Variants in MPP3 observed in about 807,000 individuals in gnomAD.
MPP3 encodes MAGUK p55 scaffold protein 3.
Under a neutral mutation model 80.7 loss-of-function variants are expected in MPP3, and 48 were observed. That is an observed-to-expected ratio of 0.59 (90% CI 0.47 to 0.76). MPP3 has a LOEUF of 0.76. Among genes scored for constraint, MPP3 ranks in the 30% least tolerant of loss-of-function variants. The pLI is 0.00. For synonymous variants in MPP3, 311 were observed against 297.6 expected (o/e 1.04, Z -0.46); for missense variants, 620 against 763.0 (o/e 0.81, Z 2.21).
At chr17:43,820,639 C>CACACACACACACACACACACAT (rs796095687) in intron 11 of MPP3, among the ~76,000 whole-genome samples, 2,392 of 144,948 alleles carry the variant, frequency 0.017, 53 homozygotes, top group Non-Finnish European at 0.023. Context: ...CACACACACA[C>CACACACACACACACACACACAT]ATTAACTTAA....
intron 19 of MPP3, among the ~76,000 whole-genome samples, chr17:43,806,990 T>C (rs949148262): frequency 5.9e-5 from 9 of 151,766 alleles, no homozygotes; most frequent in Admixed American, 3.9e-4. Flanking sequence ...TTTTTTTTTT[T>C]AGATGGAGTC....
chr17:43,810,622 A>G (rs2044811708), intron 18 of MPP3, among the ~76,000 whole-genome samples, 185 bp downstream of exon 18: 1 of 152,216 alleles, frequency 6.6e-6, no homozygotes, highest in African/African-American at 2.4e-5. Flanking sequence ...GCATTTGTGG[A>G]TAGAGGGGCA....
rs149181858 is a variant in MPP3, at chr17:43,831,867, G to A, written c.25+15C>T. ...TTCAGGACTGTGGCAGGTCCAGCCG[G>A]GGGGAGGTACTTACCAGAGTCCTCC... On this transcript the variant is annotated intron_variant, in intron 3 of 19. Coordinates refer to ENST00000398389, the MANE Select transcript of MPP3 (RefSeq NM_001932.6). 3.7e-6 allele frequency: 6 copies of A among 1,600,434 alleles called. No individual in the cohort carries two copies. The highest frequency in any genetic ancestry group is 5.1e-6 in the Non-Finnish European group (6 of 1,174,500).
intron 8 of MPP3, among the ~76,000 whole-genome samples, chr17:43,827,403 C>T (rs1162633014): frequency 6.8e-6 from 1 of 147,554 alleles, no homozygotes; most frequent in Non-Finnish European, 1.5e-5. Flanking sequence ...TCTTGGCTCA[C>T]TGCAACCTCC....
chr17:43,829,693 C>A lies in MPP3; in HGVS notation c.402G>T (p.Ser134=). ...DNIDEDFDEE[S]VKIVRLVKNK... ...TCTTCACCAAGCGGACGATCTTCACCGATTCCTCATCAAAATCCTCATCGA... is the reference window on the plus strand; with the variant it reads ...TCTTCACCAAGCGGACGATCTTCACAGATTCCTCATCAAAATCCTCATCGA... Residue 134 remains serine, a synonymous_variant, in exon 7 of 20, where the codon TCG becomes TCT. Transcript: ENST00000398389. 6.2e-7 allele frequency: 1 copy of A among 1,614,060 alleles called. No homozygotes were observed.
chr17:43,813,625 T>G (rs1279227983), intron 16 of MPP3, among the ~76,000 whole-genome samples: 1 of 152,138 alleles, frequency 6.6e-6, no homozygotes, highest in East Asian at 1.9e-4. Flanking sequence ...CTGTGGCTTC[T>G]CTGACCTGCC....
intron 2 of MPP3, chr17:43,832,257 G>A (rs2046000968): frequency 2.7e-6 from 1 of 371,678 alleles, no homozygotes; most frequent in Non-Finnish European, 4.8e-6. Context: ...GTAAGCTGTG[G>A]GTCAAAATCC....
At chr17:43,827,902 C>T in intron 7 of MPP3, 70 bp from the exon 8 acceptor site, 1 of 1,403,510 alleles carries the variant, frequency 7.1e-7, no homozygotes, top group South Asian at 1.2e-5. Flanking sequence ...CTCTCTGGAC[C>T]CAACACAGCC....
Position 43,814,342 on chromosome 17 carries a change from GA to G in MPP3, c.1028del (p.Phe343SerfsTer27), listed in dbSNP as rs763422458. The G allele has an allele frequency of 6.2e-7, 1 of 1,605,758 alleles. No individual in the cohort carries two copies. Among genetic ancestry groups the G allele is most frequent in the South Asian group, 1.1e-5 (1 of 90,712 alleles). The stretch of plus-strand genomic sequence containing the variant: ...CCAGTCTCTCCCTACAGCCCAGCCG[GA>G]AGCTCCTCCGAAGACCAGCTTGGGA... ...GHYVAGLRRS[F>X]RLGCRERLGG... On this transcript the variant is annotated frameshift_variant, in exon 15 of 20. Coordinates refer to ENST00000398389, the MANE Select transcript of MPP3 (RefSeq NM_001932.6). LOFTEE classifies it high-confidence loss of function.
At chr17:43,827,106 C>T (rs981302290) in intron 8 of MPP3, among the ~76,000 whole-genome samples, 2 of 152,134 alleles carry the variant, frequency 1.3e-5, no homozygotes, top group African/African-American at 4.8e-5. Flanking sequence ...ACCTCCACCT[C>T]CCAGATTCAA....
At chr17:43,818,159 C>G in intron 11 of MPP3, 49 bp from the exon 12 acceptor site, 1 of 1,420,272 alleles carries the variant, frequency 7.0e-7, no homozygotes, top group Non-Finnish European at 9.3e-7. Context: ...GGCCAGATAA[C>G]CACTTGAAAG....
chr17:43,831,692 GA>G lies in MPP3; in HGVS notation c.26-16del, dbSNP rs753741254. 6.3e-7 allele frequency: 1 copy of G among 1,591,298 alleles called. No individual in the cohort carries two copies. The highest frequency in any genetic ancestry group is 1.1e-5 in the South Asian group (1 of 89,554). ...TTCATGCAAACCTGGGGAGAGGTGAGAAAAACAAAGGATAGCAAACGCAGTG... is the reference window on the plus strand; with the variant it reads ...TTCATGCAAACCTGGGGAGAGGTGAGAAAACAAAGGATAGCAAACGCAGTG... On this transcript the variant is annotated splice_polypyrimidine_tract_variant and intron_variant, in intron 3 of 19. Transcript: ENST00000398389.
At position 43,801,079 on chromosome 17, in the gene MPP3, T is replaced by G. The variant is rs2154591026; in HGVS notation, c.*622A>C. On this transcript the variant is annotated 3_prime_UTR_variant, in exon 20 of 20. Coordinates refer to ENST00000398389, the MANE Select transcript of MPP3 (RefSeq NM_001932.6). ...GGCAACCTTACATTCCTCGAGTCCC[T>G]GAAGGCACCACTGCAGTACAGGATA... 1 of 152,388 alleles carries G rather than the reference T, an allele frequency of 6.6e-6. No individual in the cohort carries two copies. The highest frequency in any genetic ancestry group is 6.5e-5 in the Admixed American group (1 of 15,298). 9.4% of individuals were successfully genotyped at this position (152,388 alleles called of 1,614,324 possible).
At chr17:43,820,288 G>A (rs1205102573) in intron 11 of MPP3, among the ~76,000 whole-genome samples, 1 of 151,984 alleles carries the variant, frequency 6.6e-6, no homozygotes, top group Non-Finnish European at 1.5e-5. Context: ...AGCATTCTCT[G>A]AGCATGCATT....
intron 7 of MPP3, among the ~76,000 whole-genome samples, chr17:43,828,333 G>T (rs2045811638): frequency 1.3e-5 from 2 of 152,212 alleles, no homozygotes; most frequent in African/African-American, 4.8e-5. Context: ...CTTGGCCCAT[G>T]AAGCACAGCA....
chr17:43,825,654 G>C, intron 9 of MPP3, 102 bp downstream of exon 9: 2 of 815,496 alleles, frequency 2.5e-6, no homozygotes, highest in Non-Finnish European at 4.2e-6. Flanking sequence ...ACCTCCTCAG[G>C]ACAACAGCAA....
Position 43,825,831 on chromosome 17 carries a change from G to A in MPP3, c.534C>T (p.His178=), listed in dbSNP as rs367582940. The change falls in exon 9 of 20, where the codon CAC becomes CAT. Residue 178 remains histidine, a synonymous_variant. Transcript: ENST00000398389. ...GGAADRSGLV[H]VGDELREVNG... ...TCACTTCTCGGAGCTCATCTCCAACGTGGACCAGGCCTAGGAGACACAGGG... is the reference window on the plus strand; with the variant it reads ...TCACTTCTCGGAGCTCATCTCCAACATGGACCAGGCCTAGGAGACACAGGG... 18 of 1,608,470 alleles carry A rather than the reference G, an allele frequency of 1.1e-5. No homozygotes were observed. Among genetic ancestry groups the A allele is most frequent in the African/African-American group, 2.7e-5 (2 of 74,826 alleles).
At chr17:43,802,862 T>C (rs1296578141) in intron 19 of MPP3, among the ~76,000 whole-genome samples, 1 of 151,696 alleles carries the variant, frequency 6.6e-6, no homozygotes, top group East Asian at 1.9e-4. Context: ...TTCCAAATAT[T>C]CCCCCCTCTT....
chr17:43,810,738 T>C (rs1016172096), intron 18 of MPP3, 69 bp downstream of exon 18: 2 of 1,053,012 alleles, frequency 1.9e-6, no homozygotes, highest in African/African-American at 3.2e-5. Flanking sequence ...TTAAGTGTTG[T>C]GTAAAATGTA....
Sources: gnomAD v4.1 joint callset for allele counts (sites outside exome capture counted in the v4.1 genomes callset) on GRCh38, gnomAD v4.1.1 for gene constraint, MANE v1.5 for transcripts, NCBI Gene and HGNC (gene_info 2026-07-23, HGNC 2026-07-21) for gene names.